Variants in CORO2B observed in about 807,000 individuals in gnomAD.
CORO2B encodes coronin-2B.
In CORO2B, 26 loss-of-function variants were observed where a neutral mutation model predicts 58.8. The ratio of observed to expected loss-of-function variants is 0.44; its 90% CI spans 0.32 to 0.61. The LOEUF is 0.61. CORO2B is among the 20% of genes least tolerant of loss of function. CORO2B has a pLI of 0.04. For synonymous variants in CORO2B, 242 were observed against 253.8 expected, an observed-to-expected ratio of 0.95 and a Z score of 0.44; for missense variants, 460 against 645.1, an observed-to-expected ratio of 0.71 and a Z score of 3.11.
intron 2 of CORO2B, among the ~76,000 whole-genome samples, chr15:68,646,720 A>C (rs924392633): frequency 2.0e-5 from 3 of 152,166 alleles, no homozygotes; most frequent in African/African-American, 4.8e-5. Context: ...CTCTGCCTAC[A>C]TCTGTCATGT....
intron 3 of CORO2B, among the ~76,000 whole-genome samples, chr15:68,707,110 G>A (rs555312295): frequency 2.2e-4 from 34 of 152,228 alleles, no homozygotes; most frequent in African/African-American, 7.2e-4. Flanking sequence ...ACAAGCGCGC[G>A]CCACCACGCC....
At chr15:68,621,707 C>T (rs1900524131) in intron 1 of CORO2B, among the ~76,000 whole-genome samples, 1 of 151,618 alleles carries the variant, frequency 6.6e-6, no homozygotes, top group South Asian at 2.1e-4. Flanking sequence ...TAATACAGAC[C>T]TGGGTTCAAA....
At chr15:68,653,321 A>T (rs1901699766) in intron 2 of CORO2B, among the ~76,000 whole-genome samples, 1 of 152,188 alleles carries the variant, frequency 6.6e-6, no homozygotes, top group African/African-American at 2.4e-5. Flanking sequence ...TAGAGTTTGT[A>T]GTCCAATTGG....
rs1455140536 is a variant in CORO2B, at chr15:68,719,241, C to T, written c.1171+7C>T. On this transcript the variant is annotated splice_region_variant and intron_variant, in intron 10 of 11. Transcript: ENST00000261861. ...CTGGGAGGCATCAACCGAGGTACCA[C>T]AGCGGGGGGCTCCACAGAGCACAGG... 6.2e-7 allele frequency: 1 copy of T among 1,613,246 alleles called. No homozygotes were observed. The highest frequency in any genetic ancestry group is 8.5e-7 in the Non-Finnish European group (1 of 1,179,468).
In CORO2B at chr15:68,703,339, C is replaced by T. The variant is rs977659301; in HGVS notation, c.334-7393C>T. On this transcript the variant is annotated intron_variant, in intron 3 of 11. Transcript: ENST00000261861. ...TTAATTTTTGTATTTTTAGTAAAGA[C>T]AGGGTTTCACCATGTTGGCCAGGCT... Among the ~76,000 whole-genome samples the T allele has an allele frequency of 8.6e-5, 13 of 151,340 alleles. No homozygotes were observed. In the East Asian group the frequency reaches 2.5e-3, roughly 29 times the overall value.
chr15:68,712,846 A>G (rs181057270), intron 5 of CORO2B, among the ~76,000 whole-genome samples: 1 of 152,248 alleles, frequency 6.6e-6, no homozygotes, highest in East Asian at 1.9e-4. Context: ...CTAGGATTCA[A>G]ACCCAGAGCC....
chr15:68,561,987 A>G, the CORO2B span, among the ~76,000 whole-genome samples: 1 of 152,152 alleles, frequency 6.6e-6, no homozygotes, highest in Non-Finnish European at 1.5e-5. Flanking sequence ...CTGTCCCCCC[A>G]CTGGCCTTGT....
chr15:68,579,192 C>A lies in CORO2B; in HGVS notation c.-71C>A, dbSNP rs1356154900. ...CGGGAGCTGCCGGACCCCCTTCCGC[C>A]GCCGCCCCGGGCCGCCGCCGCCGCC... is the stretch of plus-strand genomic sequence containing the variant. On this transcript the variant is annotated 5_prime_UTR_variant, in exon 1 of 12. Transcript: ENST00000261861. 6 of 980,636 alleles carry A rather than the reference C, an allele frequency of 6.1e-6. No homozygotes were observed. Among genetic ancestry groups the A allele is most frequent in the Non-Finnish European group, 7.3e-6 (6 of 826,804 alleles). The allele number at this position is 980,636 out of a possible 1,614,324, so 60.7% of individuals were successfully genotyped here. A position where few individuals can be genotyped will look rare whatever the true frequency, so the allele number is the denominator to read the frequency against.
chr15:68,710,990 T>G lies in CORO2B; in HGVS notation c.483+109T>G. 2.5e-6 allele frequency: 3 copies of G among 1,213,950 alleles called. No individual in the cohort carries two copies. Among genetic ancestry groups the G allele is most frequent in the Non-Finnish European group, 3.3e-6 (3 of 896,230 alleles). 75.2% of individuals were successfully genotyped at this position (1,213,950 alleles called of 1,614,324 possible). A position where few individuals can be genotyped will look rare whatever the true frequency, so the allele number is the denominator to read the frequency against. ...TTCCTAAGCAACCAATATGGCCTCA[T>G]CTGTTCATTTGCTTATTCATTCATT... is the stretch of plus-strand genomic sequence containing the variant. On this transcript the variant is annotated intron_variant, in intron 4 of 11. Transcript: ENST00000261861. The surrounding 1 kb of genome is among the most constrained non-coding windows in gnomAD (Gnocchi z 4.1).
the CORO2B span, among the ~76,000 whole-genome samples, chr15:68,565,316 T>A: frequency 1.3e-5 from 2 of 150,656 alleles, no homozygotes; most frequent in Non-Finnish European, 3.0e-5. Flanking sequence ...TCTTTTTATT[T>A]AAAAAAATTT....
At chr15:68,644,497 T>A (rs1418707761) in intron 1 of CORO2B, among the ~76,000 whole-genome samples, 1 of 152,200 alleles carries the variant, frequency 6.6e-6, no homozygotes, top group African/African-American at 2.4e-5. Flanking sequence ...AGTCTTGGAT[T>A]TCCAGTCAGG....
intron 1 of CORO2B, among the ~76,000 whole-genome samples, chr15:68,624,794 T>C (rs920941609): frequency 1.3e-5 from 2 of 152,118 alleles, no homozygotes; most frequent in African/African-American, 4.8e-5. Context: ...CTGATTCTCT[T>C]GCCTCAGCCT....
At chr15:68,691,065 C>T (rs1427385084) in intron 2 of CORO2B, among the ~76,000 whole-genome samples, 2 of 151,682 alleles carry the variant, frequency 1.3e-5, no homozygotes, top group Non-Finnish European at 2.9e-5. Context: ...TGCGGTGGCT[C>T]ACGCCTGTAA....
intron 1 of CORO2B, among the ~76,000 whole-genome samples, chr15:68,593,230 A>G (rs1387709293): frequency 6.6e-6 from 1 of 152,224 alleles, no homozygotes; most frequent in Non-Finnish European, 1.5e-5. Context: ...TTTCAACATG[A>G]GTTTTGGCAG....
chr15:68,673,610 G>A (rs1435678596), intron 2 of CORO2B, among the ~76,000 whole-genome samples: 1 of 152,160 alleles, frequency 6.6e-6, no homozygotes, highest in Non-Finnish European at 1.5e-5. Flanking sequence ...GGCCAAGGCA[G>A]GCGAATCACT....
At chr15:68,555,760 G>C in the CORO2B span, among the ~76,000 whole-genome samples, 1 of 152,192 alleles carries the variant, frequency 6.6e-6, no homozygotes, top group Non-Finnish European at 1.5e-5. Flanking sequence ...GGAGAAGTCT[G>C]GGGGAAGTGG....
At chr15:68,723,090 A>G (rs1338765059) in intron 11 of CORO2B, among the ~76,000 whole-genome samples, 1 of 149,732 alleles carries the variant, frequency 6.7e-6, no homozygotes, top group African/African-American at 2.5e-5. Context: ...ACAAAAGGAG[A>G]GAATCATAAA....
the CORO2B span, among the ~76,000 whole-genome samples, chr15:68,528,974 G>A: frequency 1.3e-5 from 2 of 152,222 alleles, no homozygotes; most frequent in African/African-American, 4.8e-5. Context: ...AAGCTAAATG[G>A]CTAAAGCAAA....
intron 1 of CORO2B, among the ~76,000 whole-genome samples, chr15:68,618,788 T>C (rs1021981762): frequency 6.6e-6 from 1 of 152,376 alleles, no homozygotes; most frequent in African/African-American, 2.4e-5. Flanking sequence ...GGCAGTTACA[T>C]TGTGATCTAA....
Sources: gnomAD v4.1 joint callset for allele counts (sites outside exome capture counted in the v4.1 genomes callset) on GRCh38, gnomAD v4.1.1 for gene constraint, Gnocchi (gnomAD v3.1) non-coding constraint, MANE v1.5 for transcripts, NCBI Gene and HGNC (gene_info 2026-07-23, HGNC 2026-07-21) for gene names.